The following GRID2IP variants were observed in gnomAD, a reference collection of about 807,000 sequenced individuals.
GRID2IP encodes the protein Grid2 interacting protein.
In GRID2IP, 78 loss-of-function variants were observed where a neutral mutation model predicts 114.3. The observed-to-expected ratio is 0.68, with a 90% CI of 0.57 to 0.82. The LOEUF is 0.82. GRID2IP is among the 40% of genes least tolerant of loss of function. GRID2IP has a pLI of 0.00. For missense variants in GRID2IP, 1,727 were observed against 1,678.5 expected (o/e 1.03, Z -0.51); for synonymous variants, 809 against 724.0 (o/e 1.12, Z -1.89).
Position 6,526,147 on chromosome 7 carries a change from C to A in GRID2IP, c.919+77G>T. ...CAGGAGCCTACATGGGGTACAATGA[C>A]CCGGCAGAGCCACCACGGGGCCCTT... On this transcript the variant is annotated intron_variant, in intron 4 of 21. Coordinates refer to ENST00000457091, the MANE Select transcript of GRID2IP (RefSeq NM_001145118.2). The surrounding 1 kb of genome is among the most constrained non-coding windows in gnomAD (Gnocchi z 7.6). 1 of 1,165,002 alleles carries A rather than the reference C, an allele frequency of 8.6e-7. No individual in the cohort carries two copies. 72.2% of individuals were successfully genotyped at this position (1,165,002 alleles called of 1,614,324 possible). A position where few individuals can be genotyped will look rare whatever the true frequency, so the allele number is the denominator to read the frequency against.
At position 6,521,861 on chromosome 7, in the gene GRID2IP, C is replaced by T; in HGVS notation, c.989+27G>A. The T allele has an allele frequency of 6.5e-7, 1 of 1,533,874 alleles. No homozygotes were observed. The highest frequency in any genetic ancestry group is 8.8e-7 in the Non-Finnish European group (1 of 1,131,028). On this transcript the variant is annotated intron_variant, in intron 5 of 21. Coordinates refer to ENST00000457091, the MANE Select transcript of GRID2IP (RefSeq NM_001145118.2). The surrounding 1 kb of genome is among the most constrained non-coding windows in gnomAD (Gnocchi z 4.1). ...GGGGGTGGGGGCAGCTCCTCACCAA[C>T]CCCTGGTGTCCCCAATAGCCTCTGA... is the stretch of plus-strand genomic sequence containing the variant.
Position 6,501,988 on chromosome 7 carries a change from C to A in GRID2IP, c.3280+1G>T, listed in dbSNP as rs1473978808. On this transcript the variant is annotated splice_donor_variant, in intron 19 of 21. Transcript: ENST00000457091. LOFTEE classifies it high-confidence loss of function. ...CCTCCCCATCCACCCACCCAGCATA[C>A]CTTTGGCAGCCAGGGGCACGGTGGG... The A allele has an allele frequency of 6.4e-7, 1 of 1,551,314 alleles. No homozygotes were observed. Among genetic ancestry groups the A allele is most frequent in the Non-Finnish European group, 8.7e-7 (1 of 1,146,890 alleles).
Position 6,496,997 on chromosome 7 carries a change from G to C in GRID2IP, c.*777C>G, listed in dbSNP as rs1410670803. ...TGCCCCGGTCTCATGACTTGCTCCAGGGAACATCACCATCCGTCCAGGTGA... is the reference window on the plus strand; with the variant it reads ...TGCCCCGGTCTCATGACTTGCTCCACGGAACATCACCATCCGTCCAGGTGA... On this transcript the variant is annotated 3_prime_UTR_variant, in exon 22 of 22. Coordinates refer to ENST00000457091, the MANE Select transcript of GRID2IP (RefSeq NM_001145118.2). Among the ~76,000 whole-genome samples, 2 of 152,102 alleles carry C rather than the reference G, an allele frequency of 1.3e-5. No homozygotes were observed. Among genetic ancestry groups the C allele is most frequent in the Admixed American group, 6.5e-5 (1 of 15,268 alleles).
chr7:6,518,004 G>T (rs1236963211), intron 7 of GRID2IP, among the ~76,000 whole-genome samples: 1 of 151,684 alleles, frequency 6.6e-6, no homozygotes, highest in Non-Finnish European at 1.5e-5. Flanking sequence ...GGCTAAAATG[G>T]GCAAATCTTT....
At chr7:6,501,344 C>G (rs760457405) in intron 20 of GRID2IP, among the ~76,000 whole-genome samples, 11 of 151,960 alleles carry the variant, frequency 7.2e-5, no homozygotes, top group African/African-American at 1.5e-4. Context: ...GAGCAAGGCT[C>G]TGTCTCAAAA....
chr7:6,517,755 T>C (rs1220475549), intron 7 of GRID2IP, among the ~76,000 whole-genome samples: 1 of 151,242 alleles, frequency 6.6e-6, no homozygotes, highest in Non-Finnish European at 1.5e-5. Context: ...GTACAAAAAT[T>C]AGCCAGGCAT....
chr7:6,503,677 CAA>C lies in GRID2IP; in HGVS notation c.2719_2720del (p.Leu907GlyfsTer94). The C allele has an allele frequency of 6.8e-7, 1 of 1,470,602 alleles. No homozygotes were observed. The highest frequency in any genetic ancestry group is 9.0e-7 in the Non-Finnish European group (1 of 1,112,950). 91.1% of individuals were successfully genotyped at this position (1,470,602 alleles called of 1,614,324 possible). On this transcript the variant is annotated frameshift_variant, in exon 16 of 22. Transcript: ENST00000457091. LOFTEE classifies it high-confidence loss of function. ...HKKAYNTSILLAHLKLSPAEL... is the reference protein window; with the variant it reads ...HKKAYNTSILXAHLKLSPAEL... ...CCGCGGGGCTCAGCTTCAGGTGTGC[CAA>C]GAGGATGGCTGCGGGCGGGGCGGGG...
In GRID2IP at chr7:6,532,872, G is replaced by A. The variant is rs1348023272; in HGVS notation, c.585-6103C>T. Among the ~76,000 whole-genome samples the A allele has an allele frequency of 6.6e-6, 1 of 152,210 alleles. No homozygotes were observed. The highest frequency in any genetic ancestry group is 2.4e-5 in the African/African-American group (1 of 41,458). On this transcript the variant is annotated intron_variant, in intron 2 of 21. Transcript: ENST00000457091. This position sits in a 1 kb window ranked among gnomAD's most constrained non-coding sequence, Gnocchi z 4.4. ...CACGCTACCTCAGAGCCAGGTCTCC[G>A]TGGGCACAGTGGGGCCAGCTGCTCA...
At chr7:6,511,578 G>C (rs1423139472) in intron 8 of GRID2IP, among the ~76,000 whole-genome samples, 1 of 151,956 alleles carries the variant, frequency 6.6e-6, no homozygotes, top group East Asian at 1.9e-4. Context: ...TCAACATGTG[G>C]GCTAGGCTGG....
At chr7:6,530,190 C>T (rs1314797555) in intron 2 of GRID2IP, among the ~76,000 whole-genome samples, 1 of 152,056 alleles carries the variant, frequency 6.6e-6, no homozygotes, top group Non-Finnish European at 1.5e-5. Flanking sequence ...AATTTCCTGA[C>T]CTCATGATCC....
chr7:6,521,845 G>C lies in GRID2IP; in HGVS notation c.989+43C>G. 1 of 1,438,168 alleles carries C rather than the reference G, an allele frequency of 7.0e-7. No individual in the cohort carries two copies. Among genetic ancestry groups the C allele is most frequent in the Non-Finnish European group, 9.6e-7 (1 of 1,044,192 alleles). 89.1% of individuals were successfully genotyped at this position (1,438,168 alleles called of 1,614,324 possible). A position where few individuals can be genotyped will look rare whatever the true frequency, so the allele number is the denominator to read the frequency against. On this transcript the variant is annotated intron_variant, in intron 5 of 21. Coordinates refer to ENST00000457091, the MANE Select transcript of GRID2IP (RefSeq NM_001145118.2). This position sits in a 1 kb window ranked among gnomAD's most constrained non-coding sequence, Gnocchi z 4.1. ...AGGCAGGAGTCTTGCAGGGGGTGGG[G>C]GCAGCTCCTCACCAACCCCTGGTGT... is the stretch of plus-strand genomic sequence containing the variant.
chr7:6,507,884 G>A lies in GRID2IP; in HGVS notation c.2544+101C>T. 9 of 1,488,612 alleles carry A rather than the reference G, an allele frequency of 6.0e-6. No individual in the cohort carries two copies. Among genetic ancestry groups the A allele is most frequent in the Non-Finnish European group, 8.1e-6 (9 of 1,115,618 alleles). The allele number at this position is 1,488,612 out of a possible 1,614,324, so 92.2% of individuals were successfully genotyped here. On this transcript the variant is annotated intron_variant, in intron 13 of 21. Coordinates refer to ENST00000457091, the MANE Select transcript of GRID2IP (RefSeq NM_001145118.2). The surrounding 1 kb of genome is among the most constrained non-coding windows in gnomAD (Gnocchi z 5.3). Reference sequence around the variant, plus strand: ...CTCATCCTCTGCTTGGGGTAGGGAGGATGATGTTGGAAGATGCCTGGCCGA... The same window carrying A: ...CTCATCCTCTGCTTGGGGTAGGGAGAATGATGTTGGAAGATGCCTGGCCGA...
At position 6,498,451 on chromosome 7, in the gene GRID2IP, C is replaced by G. The variant is rs57527658; in HGVS notation, c.3400-223G>C. Among the ~76,000 whole-genome samples, 752 of 152,252 alleles carry G rather than the reference C, an allele frequency of 4.9e-3. 5 individuals are homozygous for G. Among genetic ancestry groups the G allele is most frequent in the African/African-American group, 0.018 (728 of 41,564 alleles). ...TGGCCACAGCCAGTGCAGCCTCAGG[C>G]CATTCACCCCTGTTCTCTCTGCAGG... On this transcript the variant is annotated intron_variant, in intron 20 of 21. Coordinates refer to ENST00000457091, the MANE Select transcript of GRID2IP (RefSeq NM_001145118.2).
rs1163580614 is a variant in GRID2IP, at chr7:6,526,069, T to A, written c.919+155A>T. Among the ~76,000 whole-genome samples, 1 of 151,966 alleles carries A rather than the reference T, an allele frequency of 6.6e-6. No individual in the cohort carries two copies. Among genetic ancestry groups the A allele is most frequent in the South Asian group, 2.1e-4 (1 of 4,822 alleles). On this transcript the variant is annotated intron_variant, in intron 4 of 21. Transcript: ENST00000457091. This position sits in a 1 kb window ranked among gnomAD's most constrained non-coding sequence, Gnocchi z 7.6. ...TTCAGATCTGCTGGCTCTGGGACAC[T>A]CTGGGGACACGGTCTACACAAGGAT...
At position 6,504,844 on chromosome 7, in the gene GRID2IP, G is replaced by T; in HGVS notation, c.2659C>A (p.Arg887=). ...AKPVPGPEPF[R]KKEVVEILSH... ...AGGATCTCCACCACCTCCTTCTTCC[G>T]GAAGGGCTCCGGCCCCGGCACCGGT... Residue 887 remains arginine, a synonymous_variant, in exon 15 of 22, where the codon CGG becomes AGG. Transcript: ENST00000457091. The T allele has an allele frequency of 6.4e-7, 1 of 1,551,372 alleles. No homozygotes were observed. Among genetic ancestry groups the T allele is most frequent in the East Asian group, 2.4e-5 (1 of 40,924 alleles).
Position 6,539,886 on chromosome 7 carries a change from T to C in GRID2IP, c.430-14A>G, listed in dbSNP as rs1390535651. On this transcript the variant is annotated splice_polypyrimidine_tract_variant and intron_variant, in intron 1 of 21. Coordinates refer to ENST00000457091, the MANE Select transcript of GRID2IP (RefSeq NM_001145118.2). The stretch of plus-strand genomic sequence containing the variant: ...GATTTCATCCACCTGCAAGGAGGAG[T>C]CCTGTGAATGACCAAAAGGGATCCA... The C allele has an allele frequency of 1.3e-6, 2 of 1,547,460 alleles. No individual in the cohort carries two copies. The highest frequency in any genetic ancestry group is 1.2e-5 in the South Asian group (1 of 83,492).
chr7:6,550,827 C>CAA (rs780394128), intron 1 of GRID2IP, among the ~76,000 whole-genome samples, 181 bp downstream of exon 1: 1 of 141,900 alleles, frequency 7.0e-6, no homozygotes, highest in Non-Finnish European at 1.5e-5. Context: ...GACTCTGTCT[C>CAA]AAAAAAAAAA....
At position 6,526,317 on chromosome 7, in the gene GRID2IP, A is replaced by G. The variant is rs1779509666; in HGVS notation, c.834-8T>C. On this transcript the variant is annotated splice_polypyrimidine_tract_variant and splice_region_variant and intron_variant, in intron 3 of 21. Coordinates refer to ENST00000457091, the MANE Select transcript of GRID2IP (RefSeq NM_001145118.2). This position sits in a 1 kb window ranked among gnomAD's most constrained non-coding sequence, Gnocchi z 7.6. Reference sequence around the variant, plus strand: ...TTGTAGACTCGGACAGTCCTGGGGGAAAAAGAAGGGGCGAGCAGCATGATG... The same window carrying G: ...TTGTAGACTCGGACAGTCCTGGGGGGAAAAGAAGGGGCGAGCAGCATGATG... 3.2e-6 allele frequency: 5 copies of G among 1,549,606 alleles called. No individual in the cohort carries two copies. Among genetic ancestry groups the G allele is most frequent in the Non-Finnish European group, 4.4e-6 (5 of 1,145,430 alleles).
intron 7 of GRID2IP, among the ~76,000 whole-genome samples, chr7:6,518,034 C>A (rs1779344152): frequency 6.6e-6 from 1 of 150,874 alleles, no homozygotes; most frequent in Non-Finnish European, 1.5e-5. Context: ...GAGTTCAAGA[C>A]CAGCAACATG....
Sources: allele counts gnomAD v4.1 joint callset (sites outside exome capture counted in the v4.1 genomes callset), GRCh38; gene constraint gnomAD v4.1.1; non-coding constraint Gnocchi (gnomAD v3.1); transcripts MANE v1.5; gene names NCBI Gene and HGNC (gene_info 2026-07-23, HGNC 2026-07-21).